EPM2A: variants seen among roughly 807,000 people sequenced by gnomAD.
The protein encoded by EPM2A is laforin.
Under a neutral mutation model 26.5 loss-of-function variants are expected in EPM2A, and 21 were observed. The ratio of observed to expected loss-of-function variants is 0.79; its 90% confidence interval spans 0.56 to 1.14. The LOEUF (loss-of-function observed/expected upper bound fraction) is 1.14, where lower values mean the gene tolerates loss of function less well. EPM2A is among the 50% of genes most tolerant of loss of function. EPM2A has a pLI of 0.00. For synonymous variants in EPM2A, 217 were observed against 177.6 expected (o/e 1.22, Z -1.76); for missense variants, 458 against 440.8 (o/e 1.04, Z -0.35).
chr6:145,413,069 A>G (rs532378134), intron 4 of EPM2A, among the ~76,000 whole-genome samples: 2 of 152,288 alleles, frequency 1.3e-5, no homozygotes, highest in African/African-American at 4.8e-5. Context: ...ACTAAGGGGG[A>G]TGAAATCAAT....
chr6:145,493,620 C>A (rs1211640929), intron 4 of EPM2A, among the ~76,000 whole-genome samples: 1 of 152,098 alleles, frequency 6.6e-6, no homozygotes, highest in Non-Finnish European at 1.5e-5. Flanking sequence ...CGTTGGCTGT[C>A]GGTTTGTCAT....
chr6:145,717,535 G>A (rs1444490546), intron 1 of EPM2A, among the ~76,000 whole-genome samples: 7 of 152,158 alleles, frequency 4.6e-5, no homozygotes, highest in African/African-American at 2.4e-5. Context: ...AAAACTGGAA[G>A]CATTCCCTTT....
At chr6:145,480,130 T>A (rs961775573) in intron 4 of EPM2A, among the ~76,000 whole-genome samples, 1 of 151,904 alleles carries the variant, frequency 6.6e-6, no homozygotes, top group Non-Finnish European at 1.5e-5. Context: ...TTTTCAGTAG[T>A]GTATTTGTTC....
chr6:145,455,324 A>C (rs1306238003), intron 4 of EPM2A, among the ~76,000 whole-genome samples: 2 of 150,810 alleles, frequency 1.3e-5, no homozygotes, highest in Non-Finnish European at 3.0e-5. Context: ...TACTTATATG[A>C]TTTAGAATTT....
chr6:145,727,481 G>A (rs948372873), intron 1 of EPM2A, among the ~76,000 whole-genome samples: 1 of 151,666 alleles, frequency 6.6e-6, no homozygotes, highest in African/African-American at 2.4e-5. Flanking sequence ...TTAATTGAAA[G>A]CACCTAAGAA....
chr6:145,579,303 C>T (rs770235690), intron 2 of EPM2A, among the ~76,000 whole-genome samples: 24 of 152,166 alleles, frequency 1.6e-4, no homozygotes, highest in Non-Finnish European at 3.1e-4. Flanking sequence ...CTTCTGGAAA[C>T]GCCCTCACAG....
chr6:145,487,775 G>A (rs1241761168), intron 4 of EPM2A, among the ~76,000 whole-genome samples: 1 of 152,012 alleles, frequency 6.6e-6, no homozygotes, highest in East Asian at 1.9e-4. Context: ...GTTGTCTGTT[G>A]ACTGTGTTGA....
intron 2 of EPM2A, among the ~76,000 whole-genome samples, chr6:145,672,886 C>T (rs1014941798): frequency 2.0e-5 from 3 of 152,276 alleles, no homozygotes; most frequent in Admixed American, 6.5e-5. Flanking sequence ...GATCTCACAT[C>T]AGAGGTTTCC....
At chr6:145,387,012 G>A (rs1414570935) in intron 4 of EPM2A, among the ~76,000 whole-genome samples, 1 of 152,118 alleles carries the variant, frequency 6.6e-6, no homozygotes, top group African/African-American at 2.4e-5. Context: ...CAATGGAAAA[G>A]TCATCAGATA....
chr6:145,571,772 T>G (rs1055465940), intron 2 of EPM2A, among the ~76,000 whole-genome samples: 13 of 152,194 alleles, frequency 8.5e-5, no homozygotes, highest in Non-Finnish European at 1.9e-4. Flanking sequence ...CATGCCACCA[T>G]GGCCACTTTG....
intron 2 of EPM2A, among the ~76,000 whole-genome samples, chr6:145,520,184 T>C (rs997928452): frequency 6.6e-6 from 1 of 152,226 alleles, no homozygotes; most frequent in African/African-American, 2.4e-5. Context: ...GTTTTCCTAC[T>C]TCTTTTTCTC....
At position 145,735,281 on chromosome 6, in the gene EPM2A, T is replaced by A; in HGVS notation, c.218A>T (p.Gln73Leu). Residue 73 changes from glutamine (Q) to leucine (L), a missense_variant, in exon 1 of 4, where the codon CAG (glutamine) becomes CTG (leucine). Transcript: ENST00000367519. ...CACGCGGCCCGGCTCCGCCCCGTCCTGCGCCGCCTCCTCGGCCGCCAGCTC... is the reference window on the plus strand; with the variant it reads ...CACGCGGCCCGGCTCCGCCCCGTCCAGCGCCGCCTCCTCGGCCGCCAGCTC... Reference protein sequence around the residue: ...EVELAAEEAAQDGAEPGRVDT... With the variant: ...EVELAAEEAALDGAEPGRVDT... 6.8e-7 allele frequency: 1 copy of A among 1,468,376 alleles called. No individual in the cohort carries two copies. Among genetic ancestry groups the A allele is most frequent in the Middle Eastern group, 1.9e-4 (1 of 5,244 alleles). 91.0% of individuals were successfully genotyped at this position (1,468,376 alleles called of 1,614,324 possible).
intron 1 of EPM2A, among the ~76,000 whole-genome samples, chr6:145,690,970 C>A (rs1781242796): frequency 1.4e-5 from 2 of 147,022 alleles, no homozygotes; most frequent in Non-Finnish European, 1.5e-5. Flanking sequence ...GAAAAGTAGG[C>A]TGAATTAAAA....
intron 2 of EPM2A, among the ~76,000 whole-genome samples, chr6:145,654,617 T>C (rs944143265): frequency 6.6e-6 from 1 of 152,218 alleles, no homozygotes; most frequent in Non-Finnish European, 1.5e-5. Context: ...ATACCTGATC[T>C]AGATTCTAAC....
intron 2 of EPM2A, among the ~76,000 whole-genome samples, chr6:145,587,148 A>T (rs1445516689): frequency 1.3e-5 from 2 of 152,222 alleles, no homozygotes; most frequent in Admixed American, 6.5e-5. Flanking sequence ...ATAGCCATGT[A>T]ATTATAGAAG....
At chr6:145,624,199 T>C (rs533857008), downstream of EPM2A, among the ~76,000 whole-genome samples, 5 of 152,254 alleles carry the variant, frequency 3.3e-5, no homozygotes, top group Admixed American at 3.3e-4. Context: ...CTGCTCCCTT[T>C]TCCTACTGCG....
Position 145,625,562 on chromosome 6 carries a change from A to G in EPM2A, c.*1854T>C. On this transcript the variant is annotated 3_prime_UTR_variant, in exon 4 of 4. Coordinates refer to ENST00000367519, the MANE Select transcript of EPM2A (RefSeq NM_005670.4). Reference sequence around the variant, plus strand: ...ACATAGTTTAAAAATTTAATTTTTAAGATTAAATTTTCACAACACATTATG... The same window carrying G: ...ACATAGTTTAAAAATTTAATTTTTAGGATTAAATTTTCACAACACATTATG... 1.6e-6 allele frequency: 1 copy of G among 632,926 alleles called. No individual in the cohort carries two copies. The highest frequency in any genetic ancestry group is 2.5e-5 in the Admixed American group (1 of 39,392). 39.2% of individuals were successfully genotyped at this position (632,926 alleles called of 1,614,324 possible).
intron 2 of EPM2A, among the ~76,000 whole-genome samples, chr6:145,534,937 C>T (rs151034448): frequency 7.9e-5 from 12 of 152,214 alleles, no homozygotes; most frequent in East Asian, 7.7e-4. Flanking sequence ...AGATGATCAC[C>T]GGCAATGTTG....
intron 2 of EPM2A, among the ~76,000 whole-genome samples, chr6:145,670,618 A>C (rs1458518221): frequency 1.3e-5 from 2 of 152,202 alleles, no homozygotes; most frequent in African/African-American, 4.8e-5. Flanking sequence ...GAATTAAGGG[A>C]CTATGCTTGC....
Sources: gnomAD v4.1 joint callset for allele counts (sites outside exome capture counted in the v4.1 genomes callset) on GRCh38, gnomAD v4.1.1 for gene constraint, MANE v1.5 for transcripts, NCBI Gene and HGNC (gene_info 2026-07-23, HGNC 2026-07-21) for gene names.